The following ARHGAP6 variants were observed in gnomAD, a reference collection of about 807,000 sequenced individuals.
ARHGAP6 encodes the protein rho GTPase-activating protein 6.
Under a neutral mutation model 55.7 loss-of-function variants are expected in ARHGAP6, and 16 were observed. That is an observed-to-expected ratio of 0.29 (90% CI 0.19 to 0.44). The LOEUF is 0.44. ARHGAP6 is among the 20% of genes least tolerant of loss of function. The pLI, the probability that ARHGAP6 is intolerant of heterozygous loss-of-function variation, is 1.00. For synonymous variants in ARHGAP6, 382 were observed against 360.9 expected (o/e 1.06, Z -0.66); for missense variants, 698 against 808.9 (o/e 0.86, Z 1.66).
At chrX:11,487,514 C>T (rs939691605) in intron 1 of ARHGAP6, among the ~76,000 whole-genome samples, 1 of 112,148 alleles carries the variant, frequency 8.9e-6, no homozygotes, top group African/African-American at 3.2e-5. Context: ...ATAGAAGATG[C>T]CCAGTTAAAC....
chrX:11,296,706 T>C (rs774632042), intron 1 of ARHGAP6: 124 of 1,065,198 alleles, frequency 1.2e-4, no homozygotes, highest in Non-Finnish European at 1.5e-4. Context: ...CTTAATCTCT[T>C]CCTCTCTCTT....
rs186944296 is a variant in ARHGAP6, at chrX:11,164,014, G to A, written c.1809+5491C>T. Among the ~76,000 whole-genome samples, 628 of 112,647 alleles carry A rather than the reference G, an allele frequency of 5.6e-3. 2 individuals carry two copies. The highest frequency in any genetic ancestry group is 8.1e-3 in the Non-Finnish European group (433 of 53,255). On this transcript the variant is annotated intron_variant, in intron 9 of 12. Coordinates refer to ENST00000337414, the MANE Select transcript of ARHGAP6 (RefSeq NM_013427.3). ...ACACATGTTCTGTCTTTACAGACAGGGCCAAGTGAGCAGACTATAGCAGAA... is the reference window on the plus strand; with the variant it reads ...ACACATGTTCTGTCTTTACAGACAGAGCCAAGTGAGCAGACTATAGCAGAA...
intron 2 of ARHGAP6, among the ~76,000 whole-genome samples, chrX:11,240,305 C>G (rs2047258029): frequency 8.9e-6 from 1 of 112,058 alleles, no homozygotes; most frequent in Non-Finnish European, 1.9e-5. Context: ...AAGTCTATCC[C>G]AAGAAATGGA....
intron 1 of ARHGAP6, among the ~76,000 whole-genome samples, chrX:11,323,901 G>A (rs2048466417): frequency 1.9e-5 from 2 of 106,962 alleles, no homozygotes; most frequent in Non-Finnish European, 1.9e-5. Context: ...AAAAGAAGAA[G>A]GGATGATATT....
intron 1 of ARHGAP6, among the ~76,000 whole-genome samples, chrX:11,481,118 C>A (rs183121389): frequency 3.2e-3 from 355 of 111,178 alleles, no homozygotes; most frequent in Non-Finnish European, 4.2e-3. Flanking sequence ...CCCTGGAGTG[C>A]TACTATTTAC....
At chrX:11,573,109 C>T (rs959711301) in intron 1 of ARHGAP6, among the ~76,000 whole-genome samples, 9 of 111,211 alleles carry the variant, frequency 8.1e-5, no homozygotes, top group African/African-American at 1.6e-4. Context: ...GAGTAGGTTG[C>T]GAAAATGTTC....
chrX:11,387,889 T>G (rs913034143), intron 1 of ARHGAP6, among the ~76,000 whole-genome samples: 6 of 112,102 alleles, frequency 5.4e-5, no homozygotes, highest in Admixed American at 9.4e-5. Flanking sequence ...GAACTCATTG[T>G]TTTTTATGGC....
At chrX:11,518,467 T>TC (rs1218705367) in intron 1 of ARHGAP6, among the ~76,000 whole-genome samples, 15 of 96,786 alleles carry the variant, frequency 1.5e-4, no homozygotes, top group Non-Finnish European at 2.8e-4. Flanking sequence ...TTTTTCTTTT[T>TC]TTTTTTTTTT....
chrX:11,296,425 T>G (rs1381419051), intron 1 of ARHGAP6, among the ~76,000 whole-genome samples: 1 of 111,401 alleles, frequency 9.0e-6, no homozygotes, highest in Admixed American at 9.5e-5. Context: ...TAGGGTAGGA[T>G]TCATTGAAAA....
At chrX:11,628,627 T>C (rs2052326388) in intron 1 of ARHGAP6, among the ~76,000 whole-genome samples, 1 of 112,533 alleles carries the variant, frequency 8.9e-6, no homozygotes, top group Non-Finnish European at 1.9e-5. Flanking sequence ...TTCACAATTT[T>C]AGGTACTGCT....
At chrX:11,530,090 T>C (rs2051032172) in intron 1 of ARHGAP6, among the ~76,000 whole-genome samples, 1 of 111,508 alleles carries the variant, frequency 9.0e-6, no homozygotes, top group Admixed American at 9.5e-5. Context: ...CCCATCCCCA[T>C]CTACCAAGGA....
intron 1 of ARHGAP6, among the ~76,000 whole-genome samples, chrX:11,597,779 C>A (rs2051919329): frequency 9.0e-6 from 1 of 111,327 alleles, no homozygotes; most frequent in South Asian, 3.8e-4. Context: ...GGCCATGAGA[C>A]ATATTCAAGA....
At chrX:11,346,759 G>GAA (rs2048793296) in intron 1 of ARHGAP6, among the ~76,000 whole-genome samples, 2 of 109,711 alleles carry the variant, frequency 1.8e-5, no homozygotes, top group Non-Finnish European at 3.8e-5. Flanking sequence ...AAGAAAGAGA[G>GAA]AAAGAAAAGA....
rs755294395 is a variant in ARHGAP6 at position 11,308,080 on chromosome X, T to C, written c.589-53373A>G. On this transcript the variant is annotated intron_variant, in intron 1 of 12. Transcript: ENST00000337414. ...GCACATGATAGAGAGAGGAAGAAAT[T>C]TGCAAATGAATTGATGTGGCCTGAT... is the stretch of plus-strand genomic sequence containing the variant. Among the ~76,000 whole-genome samples the C allele has an allele frequency of 7.1e-5, 8 of 112,382 alleles. No homozygotes were observed. In the South Asian group the frequency reaches 1.5e-3, roughly 21 times the overall value.
chrX:11,139,012 G>GT lies in ARHGAP6; in HGVS notation c.2775dup (p.Leu926ThrfsTer108). 2 of 1,208,814 alleles carry GT rather than the reference G, an allele frequency of 1.7e-6. No homozygotes were observed. The highest frequency in any genetic ancestry group is 2.2e-6 in the Non-Finnish European group (2 of 894,591). On this transcript the variant is annotated frameshift_variant, in exon 13 of 13. Transcript: ENST00000337414. LOFTEE classifies it high-confidence loss of function. ...GCTGGCAGGGAGTTGGCGCTGCTCA[G>GT]TTTTTTCTGCGTGACCTGCTGCTCT...
intron 1 of ARHGAP6, among the ~76,000 whole-genome samples, chrX:11,378,958 G>A (rs536749141): frequency 2.0e-4 from 22 of 112,233 alleles, no homozygotes; most frequent in African/African-American, 6.8e-4. Flanking sequence ...ATCTTTACTT[G>A]GAAAATTCTT....
chrX:11,374,308 G>A (rs1283987601), intron 1 of ARHGAP6, among the ~76,000 whole-genome samples: 1 of 111,810 alleles, frequency 8.9e-6, no homozygotes, highest in East Asian at 2.8e-4. Context: ...TCCCTCTCAG[G>A]TGGGCTCTAG....
At chrX:11,620,548 G>T (rs183686630) in intron 1 of ARHGAP6, among the ~76,000 whole-genome samples, 1 of 112,534 alleles carries the variant, frequency 8.9e-6, no homozygotes, top group South Asian at 3.7e-4. Flanking sequence ...AATGGGAGAC[G>T]AAAAGTCCTC....
In ARHGAP6 at chrX:11,196,944, C is replaced by T; in HGVS notation, c.801G>A (p.Lys267=). The T allele has an allele frequency of 9.0e-7, 1 of 1,105,775 alleles. No individual in the cohort carries two copies. The highest frequency in any genetic ancestry group is 2.2e-5 in the Admixed American group (1 of 45,510). The allele number at this position is 1,105,775 out of a possible 1,213,427, so 91.1% of individuals were successfully genotyped here. The change falls in exon 3 of 13, where the codon AAG becomes AAA. Residue 267 remains lysine, a synonymous_variant. Coordinates refer to ENST00000337414, the MANE Select transcript of ARHGAP6 (RefSeq NM_013427.3). ...CTTTACCTTTGTCTTTGTTTTTCTC[C>T]TTTCCTAGTGAATCCAGTTTCTTTC... is the stretch of plus-strand genomic sequence containing the variant. ...SLRKKLDSLG[K]EKNKDKEFIP... is the part of the protein sequence containing the mutation.
Sources: gnomAD v4.1 joint callset for allele counts (sites outside exome capture counted in the v4.1 genomes callset) on GRCh38, gnomAD v4.1.1 for gene constraint, MANE v1.5 for transcripts, NCBI Gene and HGNC (gene_info 2026-07-23, HGNC 2026-07-21) for gene names.